Variants in ABHD17C observed in about 807,000 individuals in gnomAD.
ABHD17C encodes alpha/beta hydrolase domain-containing protein 17C.
A neutral mutation model predicts 27.9 loss-of-function variants in ABHD17C; 11 were observed. The observed-to-expected ratio is 0.39, with a 90% CI of 0.25 to 0.65. ABHD17C has a LOEUF of 0.65. Among genes scored for constraint, ABHD17C ranks in the 30% least tolerant of loss-of-function variants. The pLI, the probability that ABHD17C is intolerant of heterozygous loss-of-function variation, is 0.45. For synonymous variants in ABHD17C, 233 were observed against 209.1 expected (o/e 1.11, Z -0.98); for missense variants, 280 against 470.2 (o/e 0.60, Z 3.74).
At chr15:80,706,129 C>T (rs548954270) in intron 1 of ABHD17C, among the ~76,000 whole-genome samples, 2 of 152,342 alleles carry the variant, frequency 1.3e-5, no homozygotes, top group South Asian at 4.1e-4. Flanking sequence ...TCCTAGTTGG[C>T]CAGGGGACCT....
Position 80,754,131 on chromosome 15 carries a change from C to T in ABHD17C, c.771-20C>T. 6.3e-7 allele frequency: 1 copy of T among 1,591,454 alleles called. No homozygotes were observed. On this transcript the variant is annotated intron_variant, in intron 2 of 2. Coordinates refer to ENST00000258884, the MANE Select transcript of ABHD17C (RefSeq NM_021214.2). ...AACTAATGGAGTCCTCTTTCTGCCT[C>T]CCCCCTTTCTGTTTTGCAGCATTGA...
At chr15:80,696,200 C>A (rs1894493218) in intron 1 of ABHD17C, among the ~76,000 whole-genome samples, 181 bp downstream of exon 1, 1 of 152,216 alleles carries the variant, frequency 6.6e-6, no homozygotes, top group Admixed American at 6.5e-5. Context: ...TTGCTCCCAC[C>A]CTCTCCAAAA....
At chr15:80,728,095 G>A (rs759018320) in intron 1 of ABHD17C, among the ~76,000 whole-genome samples, 21 of 152,168 alleles carry the variant, frequency 1.4e-4, no homozygotes, top group African/African-American at 3.1e-4. Flanking sequence ...CCTGGTCTGC[G>A]TAATGGAGCT....
intron 1 of ABHD17C, among the ~76,000 whole-genome samples, chr15:80,712,007 G>T (rs1337641623): frequency 3.9e-5 from 6 of 152,154 alleles, no homozygotes; most frequent in African/African-American, 1.4e-4. Context: ...TCAGATGCTG[G>T]TGTCCATTAG....
chr15:80,736,171 T>C (rs1272612134), intron 1 of ABHD17C, among the ~76,000 whole-genome samples: 1 of 152,284 alleles, frequency 6.6e-6, no homozygotes, highest in Non-Finnish European at 1.5e-5. Context: ...AAATGTGTTT[T>C]CTTTGTTTTC....
At chr15:80,736,536 A>T (rs1464756174) in intron 1 of ABHD17C, among the ~76,000 whole-genome samples, 1 of 152,032 alleles carries the variant, frequency 6.6e-6, no homozygotes, top group Non-Finnish European at 1.5e-5. Context: ...TTTAATTTTT[A>T]TTTTTTTAAT....
chr15:80,725,809 G>A (rs1567034951), intron 1 of ABHD17C, among the ~76,000 whole-genome samples: 1 of 102,818 alleles, frequency 9.7e-6, no homozygotes, highest in Non-Finnish European at 2.3e-5. Context: ...TGCACCAGCA[G>A]TTTTTTGTTT....
intron 1 of ABHD17C, among the ~76,000 whole-genome samples, chr15:80,707,661 G>T (rs1465829796): frequency 6.6e-6 from 1 of 152,088 alleles, no homozygotes; most frequent in Non-Finnish European, 1.5e-5. Flanking sequence ...CCTGGGCCGA[G>T]GGTTGGACAA....
intron 1 of ABHD17C, among the ~76,000 whole-genome samples, chr15:80,724,018 C>A (rs1894937123): frequency 6.6e-6 from 1 of 152,080 alleles, no homozygotes; most frequent in African/African-American, 2.4e-5. Context: ...GCCTGGCCAA[C>A]ATGGTGAAAC....
At chr15:80,731,947 A>C (rs1596069236) in intron 1 of ABHD17C, among the ~76,000 whole-genome samples, 1 of 152,222 alleles carries the variant, frequency 6.6e-6, no homozygotes, top group East Asian at 1.9e-4. Context: ...TGCCTTGTGC[A>C]GCCATCACCA....
rs371776325 is a variant in ABHD17C, at chr15:80,735,145, T to C, written c.591-14368T>C. Among the ~76,000 whole-genome samples, 24 of 152,284 alleles carry C rather than the reference T, an allele frequency of 1.6e-4. 1 individual carries two copies. In the East Asian group the frequency reaches 4.0e-3, roughly 26 times the overall value. ...TGAGGAGAGCTCAGGGACTGGTCTT[T>C]CTTAACATAGATATCCAGTTTCAGG... On this transcript the variant is annotated intron_variant, in intron 1 of 2. Transcript: ENST00000258884.
chr15:80,696,421 T>C (rs993286743), intron 1 of ABHD17C, among the ~76,000 whole-genome samples: 3 of 152,224 alleles, frequency 2.0e-5, no homozygotes, highest in African/African-American at 7.2e-5. Context: ...GCAAGGCACA[T>C]GGGTTTCTAG....
chr15:80,752,666 T>G (rs1385992333), intron 2 of ABHD17C, among the ~76,000 whole-genome samples: 2 of 152,206 alleles, frequency 1.3e-5, no homozygotes, highest in Non-Finnish European at 2.9e-5. Context: ...TAGTACTAAT[T>G]GGTATCCTTT....
At chr15:80,734,797 T>C (rs1895106549) in intron 1 of ABHD17C, among the ~76,000 whole-genome samples, 1 of 152,236 alleles carries the variant, frequency 6.6e-6, no homozygotes, top group Non-Finnish European at 1.5e-5. Context: ...TAGGATAGAA[T>C]GAAGCATCAT....
chr15:80,732,842 A>C (rs532576013), intron 1 of ABHD17C, among the ~76,000 whole-genome samples: 1 of 152,192 alleles, frequency 6.6e-6, no homozygotes, highest in Non-Finnish European at 1.5e-5. Flanking sequence ...AGCTGATGGA[A>C]TAAGTGGGCC....
chr15:80,743,022 T>G (rs1895231486), intron 1 of ABHD17C, among the ~76,000 whole-genome samples: 2 of 151,360 alleles, frequency 1.3e-5, no homozygotes, highest in African/African-American at 4.9e-5. Flanking sequence ...GGTGGGGAAA[T>G]GGAGGTAAGA....
intron 1 of ABHD17C, among the ~76,000 whole-genome samples, chr15:80,708,730 T>C (rs556232838): frequency 6.6e-6 from 1 of 152,350 alleles, no homozygotes; most frequent in East Asian, 1.9e-4. Context: ...GGGTAATGGG[T>C]ACTCATCGGA....
At chr15:80,705,352 T>TGTGTGTGTGTGTGTGTGTGTGA (rs1283838068) in intron 1 of ABHD17C, among the ~76,000 whole-genome samples, 3 of 150,802 alleles carry the variant, frequency 2.0e-5, no homozygotes, top group African/African-American at 7.3e-5. Flanking sequence ...TGTGTGTGTG[T>TGTGTGTGTGTGTGTGTGTGTGA]GTGTGTGTGT....
At chr15:80,740,854 C>T (rs1428761149) in intron 1 of ABHD17C, among the ~76,000 whole-genome samples, 3 of 152,174 alleles carry the variant, frequency 2.0e-5, no homozygotes, top group African/African-American at 7.2e-5. Flanking sequence ...TATGTTTAGT[C>T]TCACTGGTGA....
Sources: allele counts gnomAD v4.1 joint callset (sites outside exome capture counted in the v4.1 genomes callset), GRCh38; gene constraint gnomAD v4.1.1; transcripts MANE v1.5; gene names NCBI Gene and HGNC (gene_info 2026-07-23, HGNC 2026-07-21).